Variants in CSMD3 observed in about 807,000 individuals in gnomAD.
CSMD3 encodes CUB and sushi domain-containing protein 3.
A neutral mutation model predicts 435.2 loss-of-function variants in CSMD3; 177 were observed. That is an observed-to-expected ratio of 0.41 (90% confidence interval 0.36 to 0.46). CSMD3 has a LOEUF of 0.46. Among genes scored for constraint, CSMD3 ranks in the 20% least tolerant of loss-of-function variants. The pLI is 0.34. For synonymous variants in CSMD3, 1,656 were observed against 1,520.5 expected, an observed-to-expected ratio of 1.09 and a Z score of -2.07; for missense variants, 4,265 against 4,504.6, an observed-to-expected ratio of 0.95 and a Z score of 1.52.
chr8:112,795,959 G>A (rs1382994098), intron 13 of CSMD3, among the ~76,000 whole-genome samples: 1 of 151,752 alleles, frequency 6.6e-6, no homozygotes, highest in African/African-American at 2.4e-5. Context: ...GTAACTATAT[G>A]AAAATAAAAA....
intron 1 of CSMD3, among the ~76,000 whole-genome samples, chr8:113,328,915 A>G (rs1588527919): frequency 2.0e-5 from 3 of 149,734 alleles, no homozygotes; most frequent in Non-Finnish European, 4.4e-5. Context: ...TAATTTTTGT[A>G]TTTTTTTGTA....
At chr8:112,887,088 T>C (rs2081622477) in intron 10 of CSMD3, among the ~76,000 whole-genome samples, 1 of 151,404 alleles carries the variant, frequency 6.6e-6, no homozygotes, top group Non-Finnish European at 1.5e-5. Context: ...ACTGGTAAAA[T>C]GAGGTAAAAT....
At chr8:112,430,116 T>C (rs555568994) in intron 32 of CSMD3, among the ~76,000 whole-genome samples, 1 of 152,196 alleles carries the variant, frequency 6.6e-6, no homozygotes, top group South Asian at 2.1e-4. Context: ...AACCTGTTTT[T>C]GAATCAAATA....
intron 9 of CSMD3, among the ~76,000 whole-genome samples, chr8:112,947,237 T>C (rs2083641923): frequency 6.6e-6 from 1 of 151,782 alleles, no homozygotes; most frequent in Admixed American, 6.6e-5. Context: ...CACAGTATAC[T>C]ATGTAAATTC....
intron 48 of CSMD3, 29 bp from the exon 49 acceptor site, chr8:112,314,081 T>A (rs2130832889): frequency 6.6e-7 from 1 of 1,511,396 alleles, no homozygotes. Context: ...ACAATTTAGA[T>A]AAAGCTAATT....
chr8:113,382,877 A>C (rs914448320), intron 1 of CSMD3, among the ~76,000 whole-genome samples: 11 of 152,164 alleles, frequency 7.2e-5, no homozygotes, highest in Admixed American at 6.6e-4. Context: ...GCTACTTGGG[A>C]GGCTGAGGCA....
intron 12 of CSMD3, among the ~76,000 whole-genome samples, chr8:112,825,457 T>C (rs1201981756): frequency 2.0e-5 from 3 of 152,152 alleles, no homozygotes; most frequent in Non-Finnish European, 4.4e-5. Context: ...ATTCATGACT[T>C]TGTCTAGTTT....
intron 61 of CSMD3, among the ~76,000 whole-genome samples, chr8:112,260,472 G>A (rs143115920): frequency 7.2e-4 from 110 of 152,240 alleles, no homozygotes; most frequent in African/African-American, 2.5e-3. Flanking sequence ...CTGAGACAAA[G>A]ATAGCGTTAT....
At chr8:113,082,744 C>A (rs1421237185) in intron 5 of CSMD3, among the ~76,000 whole-genome samples, 1 of 151,956 alleles carries the variant, frequency 6.6e-6, no homozygotes, top group Non-Finnish European at 1.5e-5. Flanking sequence ...AGAAATTCAA[C>A]AGAGATATCA....
At chr8:112,358,149 T>G (rs1170505440) in intron 38 of CSMD3, among the ~76,000 whole-genome samples, 1 of 152,194 alleles carries the variant, frequency 6.6e-6, no homozygotes, top group African/African-American at 2.4e-5. Context: ...AAGATATGAC[T>G]GCCCCATTTG....
At chr8:112,801,256 A>C (rs1344701315) in intron 12 of CSMD3, among the ~76,000 whole-genome samples, 1 of 151,982 alleles carries the variant, frequency 6.6e-6, no homozygotes, top group East Asian at 1.9e-4. Context: ...TAGTCTCTTA[A>C]ATAGTGGCTC....
chr8:113,230,875 A>G (rs1036528734), intron 3 of CSMD3, among the ~76,000 whole-genome samples: 13 of 151,508 alleles, frequency 8.6e-5, no homozygotes, highest in African/African-American at 2.9e-4. Flanking sequence ...ATAATTTATA[A>G]TAATACTAAT....
chr8:112,540,563 A>G (rs370032441), intron 27 of CSMD3, among the ~76,000 whole-genome samples: 3 of 152,202 alleles, frequency 2.0e-5, no homozygotes, highest in South Asian at 4.1e-4. Flanking sequence ...AAAATGTGCT[A>G]TATATACACA....
intron 10 of CSMD3, among the ~76,000 whole-genome samples, chr8:112,898,190 G>A (rs532643461): frequency 2.6e-5 from 4 of 151,206 alleles, no homozygotes; most frequent in African/African-American, 9.7e-5. Flanking sequence ...AAAGTATTAA[G>A]GATACTAGTC....
intron 32 of CSMD3, among the ~76,000 whole-genome samples, chr8:112,412,432 G>A (rs1158703218): frequency 6.6e-6 from 1 of 151,948 alleles, no homozygotes; most frequent in African/African-American, 2.4e-5. Flanking sequence ...CTTCTTTTCT[G>A]TTTTCTTAAG....
At chr8:113,279,277 T>G (rs574438695) in intron 2 of CSMD3, among the ~76,000 whole-genome samples, 1 of 148,784 alleles carries the variant, frequency 6.7e-6, no homozygotes, top group Non-Finnish European at 1.5e-5. Context: ...TAGATCAAGT[T>G]CACAGAAGAG....
At chr8:112,980,373 A>G (rs1038167929) in intron 6 of CSMD3, among the ~76,000 whole-genome samples, 1 of 151,390 alleles carries the variant, frequency 6.6e-6, no homozygotes, top group Admixed American at 6.6e-5. Context: ...AGTTTAATAT[A>G]TTCTGTTCCT....
chr8:112,404,337 G>A (rs981208190), intron 35 of CSMD3, among the ~76,000 whole-genome samples: 1 of 152,048 alleles, frequency 6.6e-6, no homozygotes, highest in African/African-American at 2.4e-5. Context: ...AGACCAGCCT[G>A]ACCAACATGG....
intron 35 of CSMD3, among the ~76,000 whole-genome samples, chr8:112,400,217 T>C (rs1407453204): frequency 6.6e-6 from 1 of 152,176 alleles, no homozygotes; most frequent in Non-Finnish European, 1.5e-5. Flanking sequence ...CATTGGCAGA[T>C]TCAGTATCTG....
Sources: gnomAD v4.1 joint callset for allele counts (sites outside exome capture counted in the v4.1 genomes callset) on GRCh38, gnomAD v4.1.1 for gene constraint, MANE v1.5 for transcripts, NCBI Gene and HGNC (gene_info 2026-07-23, HGNC 2026-07-21) for gene names.